The following SPATS2 variants were observed in gnomAD, a reference collection of about 807,000 sequenced individuals.
SPATS2 encodes spermatogenesis-associated serine-rich protein 2.
SPATS2 carries 38 observed loss-of-function variants against 63.7 expected under a neutral mutation model. The ratio of observed to expected loss-of-function variants is 0.60; its 90% CI spans 0.46 to 0.78. The LOEUF is 0.78. Among genes scored for constraint, SPATS2 ranks in the 30% least tolerant of loss-of-function variants. SPATS2 has a pLI of 0.00. For missense variants in SPATS2, 588 were observed against 666.2 expected, an observed-to-expected ratio of 0.88 and a Z score of 1.29; for synonymous variants, 207 against 232.9, an observed-to-expected ratio of 0.89 and a Z score of 1.01.
rs375314887 is a variant in SPATS2 at position 49,495,002 on chromosome 12, G to C, written c.526G>C (p.Gly176Arg). ...SAMLDTLDRT[G>R]SMLQNGVSDF... Reference sequence around the variant, plus strand: ...CATGCTAGATACGCTGGATAGAACAGGTGAGTTTATTAACAGATTTTGAAA... The same window carrying C: ...CATGCTAGATACGCTGGATAGAACACGTGAGTTTATTAACAGATTTTGAAA... The change falls in exon 7 of 14, where the codon GGA (glycine) becomes CGA (arginine). Residue 176 changes from glycine (G) to arginine (R), a missense_variant and splice_region_variant. Transcript: ENST00000552918. The C allele has an allele frequency of 1.3e-5, 21 of 1,567,698 alleles. No individual in the cohort carries two copies. The African/African-American group carries it at 2.7e-4, about 20-fold the overall frequency.
At chr12:49,512,473 A>C (rs1462239641) in intron 9 of SPATS2, among the ~76,000 whole-genome samples, 1 of 152,086 alleles carries the variant, frequency 6.6e-6, no homozygotes, top group African/African-American at 2.4e-5. Flanking sequence ...TTGTCCATGC[A>C]CAGTCCTATG....
chr12:49,432,386 C>T (rs1401839553), intron 2 of SPATS2, among the ~76,000 whole-genome samples: 1 of 152,188 alleles, frequency 6.6e-6, no homozygotes, highest in East Asian at 1.9e-4. Flanking sequence ...GCAGAAGAGT[C>T]ACTTGAACCC....
intron 3 of SPATS2, among the ~76,000 whole-genome samples, chr12:49,476,250 C>T (rs183226455): frequency 2.6e-5 from 4 of 152,178 alleles, no homozygotes; most frequent in South Asian, 2.1e-4. Context: ...GTCACCCGCA[C>T]GCCAGCAGGT....
rs1167772334 is a variant in SPATS2, at chr12:49,460,116, C to A, written c.-243-654C>A. On this transcript the variant is annotated intron_variant, in intron 2 of 13. Coordinates refer to ENST00000552918, the MANE Select transcript of SPATS2 (RefSeq NM_023071.4). ...AGAGCGAAACTCCGCCTCAAAAAAA[C>A]AAACAAACAAACAAAAAAAGAAATT... Among the ~76,000 whole-genome samples, 6 of 150,972 alleles carry A rather than the reference C, an allele frequency of 4.0e-5. No individual in the cohort carries two copies. The East Asian group carries it at 5.9e-4, about 15-fold the overall frequency.
intron 2 of SPATS2, among the ~76,000 whole-genome samples, chr12:49,450,210 CA>C (rs1945594286): frequency 6.6e-6 from 1 of 151,538 alleles, no homozygotes; most frequent in East Asian, 1.9e-4. Flanking sequence ...GCCACTCTAA[CA>C]ATTTCTGTCT....
At chr12:49,473,995 A>G (rs1301973478) in intron 3 of SPATS2, among the ~76,000 whole-genome samples, 1 of 152,232 alleles carries the variant, frequency 6.6e-6, no homozygotes, top group Non-Finnish European at 1.5e-5. Flanking sequence ...AGGGGGTGTG[A>G]GGAAGACTTC....
chr12:49,406,300 A>T (rs1219888780), intron 2 of SPATS2, among the ~76,000 whole-genome samples: 14 of 142,128 alleles, frequency 9.9e-5, no homozygotes, highest in Admixed American at 6.9e-5. Context: ...TTTTTTTTTT[A>T]AAGACAGGGT....
At chr12:49,378,215 C>T (rs1233600727) in intron 2 of SPATS2, among the ~76,000 whole-genome samples, 3 of 152,008 alleles carry the variant, frequency 2.0e-5, no homozygotes, top group Admixed American at 2.0e-4. Context: ...TGATGATCTG[C>T]CCGCCTCGGC....
intron 2 of SPATS2, among the ~76,000 whole-genome samples, chr12:49,378,516 CTCTA>C (rs1419973757): frequency 6.6e-6 from 1 of 152,054 alleles, no homozygotes; most frequent in African/African-American, 2.4e-5. Flanking sequence ...TCAGGATGAT[CTCTA>C]TCTCCTGACC....
intron 6 of SPATS2, among the ~76,000 whole-genome samples, chr12:49,493,159 C>T (rs1236692018): frequency 6.6e-6 from 1 of 150,918 alleles, no homozygotes; most frequent in Non-Finnish European, 1.5e-5. Flanking sequence ...AAAAGTTTAT[C>T]TAGAGTTCAA....
In SPATS2 at chr12:49,500,228, T is replaced by C. The variant is rs187438961; in HGVS notation, c.839+23T>C. 1.1e-4 allele frequency: 178 copies of C among 1,583,474 alleles called. No homozygotes were observed. In the East Asian group the frequency reaches 3.2e-3, roughly 28 times the overall value. ...CTGGTAATTTAAGCTGCATTTGATATCAGTAGCATAAAAATGATCATATAT... is the reference window on the plus strand; with the variant it reads ...CTGGTAATTTAAGCTGCATTTGATACCAGTAGCATAAAAATGATCATATAT... On this transcript the variant is annotated intron_variant, in intron 9 of 13. Coordinates refer to ENST00000552918, the MANE Select transcript of SPATS2 (RefSeq NM_023071.4).
intron 9 of SPATS2, among the ~76,000 whole-genome samples, chr12:49,510,112 A>T (rs866272745): frequency 1.6e-3 from 245 of 148,824 alleles, no homozygotes; most frequent in African/African-American, 4.3e-3. Context: ...TTTTTTTTTT[A>T]AATTAGCCAA....
intron 9 of SPATS2, among the ~76,000 whole-genome samples, chr12:49,501,191 C>T (rs754077769): frequency 1.4e-4 from 22 of 152,146 alleles, no homozygotes; most frequent in Admixed American, 7.9e-4. Context: ...AACTACTGGG[C>T]TCAAGTGATC....
intron 2 of SPATS2, among the ~76,000 whole-genome samples, chr12:49,423,233 A>G (rs1156725873): frequency 6.6e-6 from 1 of 151,752 alleles, no homozygotes; most frequent in African/African-American, 2.4e-5. Context: ...CATGGGTTCA[A>G]GCGATTCTCC....
intron 6 of SPATS2, among the ~76,000 whole-genome samples, chr12:49,493,397 C>CTTTTTTTTT (rs577929812): frequency 7.2e-6 from 1 of 139,096 alleles, no homozygotes. Flanking sequence ...ACTGAAACAT[C>CTTTTTTTTT]TTTTTTTTTT....
intron 2 of SPATS2, among the ~76,000 whole-genome samples, chr12:49,437,565 G>A (rs1394726364): frequency 2.0e-5 from 3 of 152,194 alleles, no homozygotes; most frequent in Admixed American, 6.5e-5. Flanking sequence ...ACGCGACTCC[G>A]TCTGCCATCC....
At chr12:49,423,941 T>G (rs1046662950) in intron 2 of SPATS2, among the ~76,000 whole-genome samples, 2 of 152,146 alleles carry the variant, frequency 1.3e-5, no homozygotes, top group Non-Finnish European at 2.9e-5. Flanking sequence ...AGTGGCTCAC[T>G]CCTGTAATCT....
At chr12:49,393,255 C>T (rs920987353) in intron 2 of SPATS2, among the ~76,000 whole-genome samples, 1 of 152,068 alleles carries the variant, frequency 6.6e-6, no homozygotes, top group Non-Finnish European at 1.5e-5. Context: ...CTCTGTTCTT[C>T]CCACTCACTA....
intron 7 of SPATS2, 84 bp from the exon 8 acceptor site, chr12:49,496,749 T>G (rs186929888): frequency 1.4e-6 from 2 of 1,425,784 alleles, no homozygotes; most frequent in African/African-American, 2.9e-5. Context: ...CCTCAAACAT[T>G]TTTACCTGTT....
Sources: allele counts gnomAD v4.1 joint callset (sites outside exome capture counted in the v4.1 genomes callset), GRCh38; gene constraint gnomAD v4.1.1; transcripts MANE v1.5; gene names NCBI Gene and HGNC (gene_info 2026-07-23, HGNC 2026-07-21).